The following KMT2D variants were observed in gnomAD, a reference collection of about 807,000 sequenced individuals.
KMT2D encodes lysine methyltransferase 2D.
In KMT2D, 55 loss-of-function variants were observed where a neutral mutation model predicts 512.7. The observed-to-expected ratio is 0.11, with a 90% CI of 0.09 to 0.13. The LOEUF is 0.13. Ranked by LOEUF, KMT2D falls within the 10% of genes least tolerant of loss-of-function variation. The probability of loss-of-function intolerance (pLI) is 1.00; values close to 1 mark genes in which losing one functional copy is unlikely to be tolerated. For synonymous variants in KMT2D, 2,995 were observed against 2,904.0 expected, an observed-to-expected ratio of 1.03 and a Z score of -1.01; for missense variants, 6,061 against 7,127.9, an observed-to-expected ratio of 0.85 and a Z score of 5.39.
rs959216990 is a variant in KMT2D at position 49,027,788 on chromosome 12, C to G, written c.14643+15G>C. 5 of 1,554,186 alleles carry G rather than the reference C, an allele frequency of 3.2e-6. No individual in the cohort carries two copies. The Admixed American group carries it at 9.8e-5, about 30-fold the overall frequency. On this transcript the variant is annotated intron_variant, in intron 48 of 54. Coordinates refer to ENST00000301067, the MANE Select transcript of KMT2D (RefSeq NM_003482.4). ...TTTTTTCTAACACCCACCCCTTTTT[C>G]TCCCCCAGACCTACCTGTTTCAGGA...
Position 49,046,793 on chromosome 12 carries a change from G to A in KMT2D, c.4237-3C>T, listed in dbSNP as rs770898847. On this transcript the variant is annotated splice_region_variant and splice_polypyrimidine_tract_variant and intron_variant, in intron 15 of 54. Coordinates refer to ENST00000301067, the MANE Select transcript of KMT2D (RefSeq NM_003482.4). This position sits in a 1 kb window ranked among gnomAD's most constrained non-coding sequence, Gnocchi z 4.2. ...TTGAGCAGCATCACCTTGGTGATCT[G>A]GGGCAGAAGATGGGAACTTCTCAGG... 6.2e-7 allele frequency: 1 copy of A among 1,610,146 alleles called. No individual in the cohort carries two copies. Among genetic ancestry groups the A allele is most frequent in the Non-Finnish European group, 8.5e-7 (1 of 1,177,186 alleles).
Position 49,055,000 on chromosome 12 carries a change from G to C in KMT2D, c.76C>G (p.Pro26Ala), listed in dbSNP as rs2120716281. ...GGCAGGTCTGACTCAGTGGCACTTGGGTCCTCAGAAGCTGCAGGTCCATCA... is the reference window on the plus strand; with the variant it reads ...GGCAGGTCTGACTCAGTGGCACTTGCGTCCTCAGAAGCTGCAGGTCCATCA... ...AADGPAASED[P>A]SATESDLPNP... is the part of the protein sequence containing the mutation. The change falls in exon 3 of 55, where the codon CCA becomes GCA. Residue 26 changes from proline (P) to alanine (A), a missense_variant. This residue lies in a region of KMT2D where 144 missense variants were observed against 165.7 expected (regional missense o/e 0.87). Coordinates refer to ENST00000301067, the MANE Select transcript of KMT2D (RefSeq NM_003482.4). The surrounding 1 kb of genome is among the most constrained non-coding windows in gnomAD (Gnocchi z 6.4). The C allele has an allele frequency of 6.2e-7, 1 of 1,613,956 alleles. No homozygotes were observed. Among genetic ancestry groups the C allele is most frequent in the South Asian group, 1.1e-5 (1 of 91,088 alleles).
chr12:49,023,221 A>G (rs1442763644), intron 51 of KMT2D, among the ~76,000 whole-genome samples: 12 of 152,160 alleles, frequency 7.9e-5, no homozygotes, highest in Admixed American at 7.9e-4. Flanking sequence ...TCTCAAGGCC[A>G]TGCTCCTCTG....
chr12:49,046,856 T>C lies in KMT2D; in HGVS notation c.4237-66A>G, dbSNP rs1022177849. 43 of 1,463,254 alleles carry C rather than the reference T, an allele frequency of 2.9e-5. 1 individual carries two copies. Among genetic ancestry groups the C allele is most frequent in the Non-Finnish European group, 3.9e-5 (42 of 1,081,264 alleles). The allele number at this position is 1,463,254 out of a possible 1,614,324, so 90.6% of individuals were successfully genotyped here. ...AAAGAGGTAGAACTTCTTTTTATTT[T>C]TTTTTGGAGATGGAGTTTTGCTCTT... is the stretch of plus-strand genomic sequence containing the variant. On this transcript the variant is annotated intron_variant, in intron 15 of 54. Coordinates refer to ENST00000301067, the MANE Select transcript of KMT2D (RefSeq NM_003482.4). The surrounding 1 kb of genome is among the most constrained non-coding windows in gnomAD (Gnocchi z 4.2).
chr12:49,039,297 C>A lies in KMT2D; in HGVS notation c.8291G>T (p.Gly2764Val), dbSNP rs978954279. 6.2e-7 allele frequency: 1 copy of A among 1,613,646 alleles called. No individual in the cohort carries two copies. Among genetic ancestry groups the A allele is most frequent in the African/African-American group, 1.3e-5 (1 of 74,926 alleles). ...SKLSGPILGP[G>V]SFPSDDRLSR... ...GAGTCGGTCATCGCTAGGGAAGGAC[C>A]CTGGCCCCAGGATGGGGCCACTCAG... The change falls in exon 34 of 55, where the codon GGG becomes GTG. Residue 2764 changes from glycine to valine, a missense_variant. Gly to Val is a moderately radical substitution (Grantham distance 109). Transcript: ENST00000301067. The surrounding 1 kb of genome is among the most constrained non-coding windows in gnomAD (Gnocchi z 5.0).
chr12:49,030,329 C>T lies in KMT2D; in HGVS notation c.13950G>A (p.Glu4650=). The change falls in exon 43 of 55, where the codon GAG becomes GAA. Residue 4650 remains glutamate, a synonymous_variant. Coordinates refer to ENST00000301067, the MANE Select transcript of KMT2D (RefSeq NM_003482.4). ...NGVTPSEELG[E]HPKDAASARD... The stretch of plus-strand genomic sequence containing the variant: ...GGGCAGAGGCAGCATCCTTGGGGTG[C>T]TCCCCCAGCTCTTCAGATGGGGTGA... 2.5e-6 allele frequency: 4 copies of T among 1,604,064 alleles called. No homozygotes were observed. The highest frequency in any genetic ancestry group is 3.4e-6 in the Non-Finnish European group (4 of 1,175,388).
At chr12:49,053,864 G>T in intron 6 of KMT2D, 114 bp downstream of exon 6, 2 of 1,240,116 alleles carry the variant, frequency 1.6e-6, no homozygotes, top group African/African-American at 1.5e-5. Context: ...TATTTTAGTG[G>T]GGCAGACCAA....
chr12:49,044,479 G>A lies in KMT2D; in HGVS notation c.5007C>T (p.Pro1669=), dbSNP rs200225974. 90 of 1,613,888 alleles carry A rather than the reference G, an allele frequency of 5.6e-5. No homozygotes were observed. Among genetic ancestry groups the A allele is most frequent in the Admixed American group, 3.0e-4 (18 of 60,000 alleles). The change falls in exon 21 of 55, where the codon CCC becomes CCT. Residue 1669 remains proline, a synonymous_variant. Coordinates refer to ENST00000301067, the MANE Select transcript of KMT2D (RefSeq NM_003482.4). The surrounding 1 kb of genome is among the most constrained non-coding windows in gnomAD (Gnocchi z 6.4). ...TGCCAGGCTCCACATCAGGGCTGACGGGGCCCTCCAGTTTAATTTCGCACT... is the reference window on the plus strand; with the variant it reads ...TGCCAGGCTCCACATCAGGGCTGACAGGGCCCTCCAGTTTAATTTCGCACT... ...HMECEIKLEG[P]VSPDVEPGKE... is the part of the protein sequence containing the mutation.
In KMT2D at chr12:49,044,704, TC is replaced by T. The variant is rs1337969366; in HGVS notation, c.4963+39del. On this transcript the variant is annotated intron_variant, in intron 20 of 54. Coordinates refer to ENST00000301067, the MANE Select transcript of KMT2D (RefSeq NM_003482.4). This position sits in a 1 kb window ranked among gnomAD's most constrained non-coding sequence, Gnocchi z 6.4. ...CAACATCCCACTCCCAGAGTCACGC[TC>T]CCCCTACTCTGCCGCTCCCTAAGAT... 1.6e-5 allele frequency: 25 copies of T among 1,584,754 alleles called. No homozygotes were observed. Among genetic ancestry groups the T allele is most frequent in the Non-Finnish European group, 1.6e-5 (18 of 1,155,900 alleles).
chr12:49,059,041 C>T (rs1157292801), intron 1 of KMT2D, among the ~76,000 whole-genome samples: 7 of 152,108 alleles, frequency 4.6e-5, no homozygotes, highest in Non-Finnish European at 1.0e-4. Context: ...GCCCCAGCTA[C>T]CCCCTTCATC....
At chr12:49,052,542 G>A in intron 10 of KMT2D, 22 bp downstream of exon 10, 2 of 1,609,628 alleles carry the variant, frequency 1.2e-6, no homozygotes, top group Admixed American at 1.7e-5. Flanking sequence ...ATGAATTTCA[G>A]GGACCCTCAA....
intron 1 of KMT2D, 83 bp downstream of exon 1, chr12:49,059,530 G>C (rs1407459161): frequency 2.6e-5 from 4 of 152,604 alleles, no homozygotes. Context: ...CCAACCTAAA[G>C]GCCAGCTCCG....
chr12:49,034,708 G>T (rs199869744), intron 36 of KMT2D, 42 bp from the exon 37 acceptor site: 2 of 1,606,700 alleles, frequency 1.2e-6, no homozygotes, highest in East Asian at 4.5e-5. Context: ...TTGGCAATAA[G>T]AAAGTTGGAA....
At position 49,024,187 on chromosome 12, in the gene KMT2D, A is replaced by T; in HGVS notation, c.16052+391T>A. 2.2e-6 allele frequency: 1 copy of T among 445,558 alleles called. No homozygotes were observed. Among genetic ancestry groups the T allele is most frequent in the Non-Finnish European group, 4.4e-6 (1 of 228,548 alleles). 27.6% of individuals were successfully genotyped at this position (445,558 alleles called of 1,614,324 possible). On this transcript the variant is annotated intron_variant, in intron 51 of 54. Transcript: ENST00000301067. This position sits in a 1 kb window ranked among gnomAD's most constrained non-coding sequence, Gnocchi z 4.5. ...TCTCTAACTATTTATTTTTGACACC[A>T]ACACTCATGGGGAAGGGAAGGTGAC...
rs752531267 is a variant in KMT2D, at chr12:49,031,431, G to A, written c.13274C>T (p.Ala4425Val). 2.4e-5 allele frequency: 39 copies of A among 1,613,614 alleles called. No individual in the cohort carries two copies. The highest frequency in any genetic ancestry group is 3.1e-5 in the Non-Finnish European group (37 of 1,179,890). ...IKQEPREEPC[A>V]LGAQSVKREA... ...CCTCTTCACTGACTGGGCTCCCAGG[G>A]CACATGGCTCTTCCCGAGGTTCCTG... is the stretch of plus-strand genomic sequence containing the variant. The change falls in exon 40 of 55, where the codon GCC (alanine) becomes GTC (valine). Residue 4425 changes from alanine to valine, a missense_variant. By Grantham distance (64) the Ala-to-Val change is moderately conservative. Coordinates refer to ENST00000301067, the MANE Select transcript of KMT2D (RefSeq NM_003482.4).
In KMT2D at chr12:49,040,026, C is replaced by T. The variant is rs1943426981; in HGVS notation, c.7744G>A (p.Val2582Ile). ...LGKPQSTNYT[V>I]ATGNFHPSGS... ...GATGGGTGGAAGTTCCCTGTGGCTA[C>T]TGTGTAGTTTGTGCTTTGAGGCTTG... Residue 2582 changes from valine (V) to isoleucine (I), a missense_variant, in exon 32 of 55, where the codon GTA (valine) becomes ATA (isoleucine). By Grantham distance (29) the Val-to-Ile change is conservative. Coordinates refer to ENST00000301067, the MANE Select transcript of KMT2D (RefSeq NM_003482.4). 6.2e-7 allele frequency: 1 copy of T among 1,613,778 alleles called. No homozygotes were observed. Among genetic ancestry groups the T allele is most frequent in the Non-Finnish European group, 8.5e-7 (1 of 1,179,810 alleles).
intron 15 of KMT2D, among the ~76,000 whole-genome samples, chr12:49,047,406 C>CTTT (rs57252968): frequency 2.0e-3 from 192 of 93,872 alleles, no homozygotes; most frequent in East Asian, 3.1e-3. Flanking sequence ...CCAGTTTTTC[C>CTTT]TTTTTTTTTT....
At chr12:49,025,040 C>T (rs2137712633) in intron 49 of KMT2D, 94 bp from the exon 50 acceptor site, 2 of 1,372,058 alleles carry the variant, frequency 1.5e-6, no homozygotes, top group Non-Finnish European at 2.0e-6. Context: ...TTTTCTGAGG[C>T]CTTCAAGCCT....
rs2120675854 is a variant in KMT2D at position 49,051,762 on chromosome 12, C to T, written c.1921G>A (p.Glu641Lys). 1 of 1,608,426 alleles carries T rather than the reference C, an allele frequency of 6.2e-7. No homozygotes were observed. Reference sequence around the variant, plus strand: ...TCAGGTGGGGGGGACATAGGTGATTCTTCAGGTGGTGGGGACATAGGCGAG... The same window carrying T: ...TCAGGTGGGGGGGACATAGGTGATTTTTCAGGTGGTGGGGACATAGGCGAG... ...EDSPMSPPPE[E>K]SPMSPPPEVS... The change falls in exon 11 of 55, where the codon GAA (glutamate) becomes AAA (lysine). Residue 641 changes from glutamate (E) to lysine (K), a missense_variant. Glu to Lys is a moderately conservative substitution (Grantham distance 56). This residue lies in a region of KMT2D where 848 missense variants were observed against 838.5 expected (regional missense o/e 1.01). Coordinates refer to ENST00000301067, the MANE Select transcript of KMT2D (RefSeq NM_003482.4).
Sources: allele counts gnomAD v4.1 joint callset (sites outside exome capture counted in the v4.1 genomes callset), GRCh38; gene constraint gnomAD v4.1.1; regional missense constraint gnomAD v4.1.1; non-coding constraint Gnocchi (gnomAD v3.1); transcripts MANE v1.5; gene names NCBI Gene and HGNC (gene_info 2026-07-23, HGNC 2026-07-21).